ZNF33B: variants seen among roughly 807,000 people sequenced by gnomAD.
ZNF33B encodes the protein zinc finger protein 11b (KOX 2).
In ZNF33B, 29 loss-of-function variants were observed where a neutral mutation model predicts 45.8. The observed-to-expected ratio is 0.63, with a 90% CI of 0.47 to 0.86. The LOEUF (loss-of-function observed/expected upper bound fraction) is 0.86, where lower values mean the gene tolerates loss of function less well. Ranked by LOEUF, ZNF33B falls within the 40% of genes least tolerant of loss-of-function variation. The probability of loss-of-function intolerance (pLI) is 0.00; values close to 1 mark genes in which losing one functional copy is unlikely to be tolerated. For synonymous variants in ZNF33B, 305 were observed against 307.8 expected (o/e 0.99, Z 0.10); for missense variants, 831 against 909.9 (o/e 0.91, Z 1.12).
chr10:42,634,640 A>G (rs1393335008), intron 2 of ZNF33B, among the ~76,000 whole-genome samples: 4 of 152,218 alleles, frequency 2.6e-5, no homozygotes, highest in Non-Finnish European at 4.4e-5. Flanking sequence ...ACACACAGAC[A>G]TATATGTACA....
chr10:42,610,646 A>G (rs755650779), intron 4 of ZNF33B, among the ~76,000 whole-genome samples: 6 of 152,240 alleles, frequency 3.9e-5, no homozygotes, highest in African/African-American at 4.8e-5. Flanking sequence ...AAACCACAAA[A>G]CAATGATGGA....
chr10:42,630,815 G>T (rs182694892), intron 4 of ZNF33B, among the ~76,000 whole-genome samples: 10 of 152,230 alleles, frequency 6.6e-5, no homozygotes, highest in African/African-American at 2.2e-4. Context: ...CCACTAAACA[G>T]ATTTTAACCA....
downstream of ZNF33B, among the ~76,000 whole-genome samples, chr10:42,586,177 G>A (rs192080075): frequency 0.018 from 2,163 of 120,816 alleles, 62 homozygotes; most frequent in African/African-American, 0.065. Context: ...TTTTTGAGAC[G>A]GAGTCTCGCT....
At chr10:42,633,382 C>T (rs993188217) in intron 2 of ZNF33B, among the ~76,000 whole-genome samples, 6 of 152,176 alleles carry the variant, frequency 3.9e-5, no homozygotes, top group Non-Finnish European at 5.9e-5. Context: ...TGAGCATATA[C>T]TGCAATTATG....
chr10:42,596,104 A>G (rs1188274852), intron 4 of ZNF33B, among the ~76,000 whole-genome samples: 1 of 151,700 alleles, frequency 6.6e-6, no homozygotes, highest in East Asian at 1.9e-4. Flanking sequence ...AATATAGTAT[A>G]TATGTTATTG....
chr10:42,575,598 TATG>T (rs1723688510), intron 1 of ZNF33B, among the ~76,000 whole-genome samples: 2 of 152,132 alleles, frequency 1.3e-5, no homozygotes, highest in South Asian at 4.2e-4. Context: ...TTTCCACAAT[TATG>T]ATGATTTTTG....
rs1228260605 is a variant in ZNF33B, at chr10:42,589,323, A to C, written c.*3290T>G. On this transcript the variant is annotated 3_prime_UTR_variant, in exon 5 of 5. Transcript: ENST00000359467. Reference sequence around the variant, plus strand: ...AATAGTGGTACACTGTTATTAACTGAAGTCCAGAGTTGACACTAGGGTTTA... The same window carrying C: ...AATAGTGGTACACTGTTATTAACTGCAGTCCAGAGTTGACACTAGGGTTTA... 1 of 152,178 alleles carries C rather than the reference A, an allele frequency of 6.6e-6. No individual in the cohort carries two copies. The highest frequency in any genetic ancestry group is 1.5e-5 in the Non-Finnish European group (1 of 68,028). 9.4% of individuals were successfully genotyped at this position (152,178 alleles called of 1,614,324 possible).
chr10:42,638,448 T>G, intron 1 of ZNF33B, 26 bp downstream of exon 1: 1 of 373,090 alleles, frequency 2.7e-6, no homozygotes, highest in Admixed American at 3.0e-5. Context: ...CCCCTCTCCG[T>G]CCCTGCCCAA....
intron 4 of ZNF33B, among the ~76,000 whole-genome samples, chr10:42,602,642 T>A (rs1263489645): frequency 6.6e-6 from 1 of 152,150 alleles, no homozygotes; most frequent in Admixed American, 6.5e-5. Flanking sequence ...GCTTTTATGA[T>A]TTCTTAGGCA....
downstream of ZNF33B, among the ~76,000 whole-genome samples, chr10:42,586,045 T>C (rs1836927388): frequency 6.6e-6 from 1 of 152,158 alleles, no homozygotes; most frequent in African/African-American, 2.4e-5. Flanking sequence ...CTGTTATTAC[T>C]ACACACAGAC....
At chr10:42,635,692 T>C (rs112862853) in intron 2 of ZNF33B, among the ~76,000 whole-genome samples, 22,573 of 149,316 alleles carry the variant, frequency 0.15, 2,414 homozygotes, top group African/African-American at 0.31. Flanking sequence ...TGCCTATAAT[T>C]CCAGCTACTT....
At chr10:42,615,844 G>C (rs955884257) in intron 4 of ZNF33B, among the ~76,000 whole-genome samples, 1 of 151,834 alleles carries the variant, frequency 6.6e-6, no homozygotes, top group African/African-American at 2.4e-5. Flanking sequence ...AGAATCGCTT[G>C]AACCCAGGAG....
rs778947836 is a variant in ZNF33B, at chr10:42,636,951, G to A, written c.-23C>T. On this transcript the variant is annotated 5_prime_UTR_variant, in exon 2 of 5. Coordinates refer to ENST00000359467, the MANE Select transcript of ZNF33B (RefSeq NM_006955.3). ...CATTTTGTTCTGTTCTTGGAAAGACGGAGACAACTCTGAAGATACAGCTGA... is the reference window on the plus strand; with the variant it reads ...CATTTTGTTCTGTTCTTGGAAAGACAGAGACAACTCTGAAGATACAGCTGA... 25 of 1,614,010 alleles carry A rather than the reference G, an allele frequency of 1.5e-5. No individual in the cohort carries two copies. Among genetic ancestry groups the A allele is most frequent in the Middle Eastern group, 1.6e-4 (1 of 6,082 alleles).
At chr10:42,621,995 G>T (rs1044371429) in intron 4 of ZNF33B, among the ~76,000 whole-genome samples, 10 of 152,106 alleles carry the variant, frequency 6.6e-5, no homozygotes, top group Non-Finnish European at 1.2e-4. Flanking sequence ...AAAGTTGCAG[G>T]ATACATCAAC....
chr10:42,612,233 A>AT (rs59259404), intron 4 of ZNF33B, among the ~76,000 whole-genome samples: 79,216 of 119,142 alleles, frequency 0.66, 29,000 homozygotes, highest in Non-Finnish European at 0.8. Context: ...ACAGAAGTTG[A>AT]TTTTTTTTTT....
intron 4 of ZNF33B, among the ~76,000 whole-genome samples, chr10:42,609,085 C>G (rs531865342): frequency 6.6e-6 from 1 of 151,952 alleles, no homozygotes; most frequent in Non-Finnish European, 1.5e-5. Context: ...CTGAAATGAC[C>G]TACACAAGTA....
chr10:42,593,986 C>A lies in ZNF33B; in HGVS notation c.964G>T (p.Gly322Cys). Reference protein sequence around the residue: ...RKLCLSQLQKGDKGEKHFECN... With the variant: ...RKLCLSQLQKCDKGEKHFECN... Reference sequence around the variant, plus strand: ...TCAAAGTGTTTCTCTCCTTTATCACCTTTCTGAAGCTGTGACAGACACAAT... The same window carrying A: ...TCAAAGTGTTTCTCTCCTTTATCACATTTCTGAAGCTGTGACAGACACAAT... The change falls in exon 5 of 5, where the codon GGT becomes TGT. Residue 322 changes from glycine (G) to cysteine (C), a missense_variant. Coordinates refer to ENST00000359467, the MANE Select transcript of ZNF33B (RefSeq NM_006955.3). 6.2e-7 allele frequency: 1 copy of A among 1,614,064 alleles called. No homozygotes were observed. The highest frequency in any genetic ancestry group is 8.5e-7 in the Non-Finnish European group (1 of 1,179,956).
chr10:42,617,046 G>A (rs548145050), intron 4 of ZNF33B, among the ~76,000 whole-genome samples: 1 of 140,648 alleles, frequency 7.1e-6, no homozygotes, highest in Admixed American at 7.2e-5. Context: ...TAGTTGGTAA[G>A]CAATTTACAA....
At chr10:42,637,685 G>A (rs556036107) in intron 1 of ZNF33B, among the ~76,000 whole-genome samples, 6 of 152,196 alleles carry the variant, frequency 3.9e-5, no homozygotes, top group African/African-American at 1.4e-4. Flanking sequence ...TTTTTGAGAC[G>A]GAGTTTCGTT....
Sources: allele counts gnomAD v4.1 joint callset (sites outside exome capture counted in the v4.1 genomes callset), GRCh38; gene constraint gnomAD v4.1.1; transcripts MANE v1.5; gene names NCBI Gene and HGNC (gene_info 2026-07-23, HGNC 2026-07-21).